Variants in TBC1D22A observed in about 807,000 individuals in gnomAD.
TBC1D22A encodes the protein TBC1 domain family member 22A, also known as putative GTPase activator.
TBC1D22A carries 38 observed loss-of-function variants against 60.2 expected under a neutral mutation model. The observed-to-expected ratio is 0.63, with a 90% CI of 0.49 to 0.83. TBC1D22A has a LOEUF of 0.83. Among genes scored for constraint, TBC1D22A ranks in the 40% least tolerant of loss-of-function variants. The pLI is 0.00. For synonymous variants in TBC1D22A, 302 were observed against 281.7 expected (o/e 1.07, Z -0.72); for missense variants, 628 against 701.0 (o/e 0.90, Z 1.18).
At chr22:47,132,222 G>A (rs1477557076) in intron 12 of TBC1D22A, among the ~76,000 whole-genome samples, 1 of 152,138 alleles carries the variant, frequency 6.6e-6, no homozygotes, top group Non-Finnish European at 1.5e-5. Flanking sequence ...GATTCCCCCC[G>A]AGTCTTGGTC....
chr22:47,041,084 T>C (rs2062828588), intron 11 of TBC1D22A, among the ~76,000 whole-genome samples: 1 of 152,204 alleles, frequency 6.6e-6, no homozygotes, highest in Admixed American at 6.5e-5. Flanking sequence ...CCTAGTGACT[T>C]GATGCTTTTT....
chr22:47,047,755 T>C (rs2063077113), intron 11 of TBC1D22A, among the ~76,000 whole-genome samples: 1 of 152,224 alleles, frequency 6.6e-6, no homozygotes, highest in Non-Finnish European at 1.5e-5. Context: ...GGTTCAGAGC[T>C]GGGGTCTTTC....
chr22:46,828,916 TGAAAC>T (rs1193681763), intron 4 of TBC1D22A, among the ~76,000 whole-genome samples: 1 of 152,176 alleles, frequency 6.6e-6, no homozygotes, highest in Non-Finnish European at 1.5e-5. Flanking sequence ...ATTTCATACT[TGAAAC>T]GACCTACATG....
At chr22:46,862,354 G>A (rs2087940073) in intron 4 of TBC1D22A, among the ~76,000 whole-genome samples, 1 of 152,154 alleles carries the variant, frequency 6.6e-6, no homozygotes, top group Non-Finnish European at 1.5e-5. Flanking sequence ...GGCAGGAGAG[G>A]CTTGAATGGT....
intron 12 of TBC1D22A, among the ~76,000 whole-genome samples, chr22:47,115,036 C>T (rs1309691137): frequency 4.1e-4 from 3 of 7,340 alleles, no homozygotes; most frequent in Admixed American, 2.0e-3. Context: ...AGTGGTGGGG[C>T]GGGGCGGGGC....
rs1167786571 is a variant in TBC1D22A, at chr22:47,026,180, C to T, written c.1202-10891C>T. Among the ~76,000 whole-genome samples, 9 of 152,148 alleles carry T rather than the reference C, an allele frequency of 5.9e-5. No homozygotes were observed. In the East Asian group the frequency reaches 1.7e-3, roughly 29 times the overall value. On this transcript the variant is annotated intron_variant, in intron 10 of 12. Coordinates refer to ENST00000337137, the MANE Select transcript of TBC1D22A (RefSeq NM_014346.5). ...AAATCATTTGACACAATCCAATATC[C>T]ACTCTCAATGGAAACTCTCAGTAAA...
At chr22:46,825,769 C>A (rs191203982) in intron 4 of TBC1D22A, among the ~76,000 whole-genome samples, 34 of 152,282 alleles carry the variant, frequency 2.2e-4, no homozygotes, top group Non-Finnish European at 4.0e-4. Context: ...ACCACCACAC[C>A]CAGCCTAAAC....
At chr22:46,999,807 CGAG>C (rs1177470381) in intron 10 of TBC1D22A, among the ~76,000 whole-genome samples, 1 of 152,148 alleles carries the variant, frequency 6.6e-6, no homozygotes, top group African/African-American at 2.4e-5. Flanking sequence ...AGGCGGATCA[CGAG>C]GTCAGGAGAT....
Position 47,004,095 on chromosome 22 carries a change from A to G in TBC1D22A, c.1201+6386A>G, listed in dbSNP as rs527797643. On this transcript the variant is annotated intron_variant, in intron 10 of 12. Coordinates refer to ENST00000337137, the MANE Select transcript of TBC1D22A (RefSeq NM_014346.5). ...CATGCCTGTATACACACACACCCTCATATACACACACCCCTTCACAGATGC... is the reference window on the plus strand; with the variant it reads ...CATGCCTGTATACACACACACCCTCGTATACACACACCCCTTCACAGATGC... 8.1e-5 allele frequency among the ~76,000 whole-genome samples: 12 copies of G among 148,910 alleles called. No homozygotes were observed. The East Asian group carries it at 2.4e-3, about 30-fold the overall frequency.
At chr22:46,973,431 C>A (rs2074158761) in intron 8 of TBC1D22A, among the ~76,000 whole-genome samples, 1 of 152,254 alleles carries the variant, frequency 6.6e-6, no homozygotes, top group Admixed American at 6.5e-5. Flanking sequence ...CGGTCAACAC[C>A]AGCGGCAGCA....
intron 11 of TBC1D22A, among the ~76,000 whole-genome samples, chr22:47,062,891 G>A (rs551777529): frequency 2.7e-5 from 4 of 150,190 alleles, no homozygotes; most frequent in East Asian, 2.0e-4. Flanking sequence ...TCATAGGACC[G>A]CACTCCACAG....
chr22:47,125,990 G>GT (rs11448395), intron 12 of TBC1D22A, among the ~76,000 whole-genome samples: 4,129 of 151,096 alleles, frequency 0.027, 184 homozygotes, highest in African/African-American at 0.095. Context: ...TTTGTTTTTT[G>GT]TTTTTTTTTG....
At chr22:47,104,900 C>A (rs2065571731) in intron 11 of TBC1D22A, among the ~76,000 whole-genome samples, 1 of 151,794 alleles carries the variant, frequency 6.6e-6, no homozygotes, top group African/African-American at 2.4e-5. Flanking sequence ...CTGGGAACAA[C>A]CCCCCGACCG....
intron 11 of TBC1D22A, among the ~76,000 whole-genome samples, chr22:47,061,470 TG>T (rs1039867213): frequency 4.6e-5 from 7 of 152,132 alleles, no homozygotes; most frequent in African/African-American, 1.7e-4. Flanking sequence ...CACCAGCACT[TG>T]GCAGAGCCCT....
rs527620430 is a variant in TBC1D22A at position 47,133,658 on chromosome 22, G to A, written c.1425+22055G>A. ...AGGTCCCTTCTGCCTGGGACTTACC[G>A]GCGGCTCCTGGAACCCTTGCCTGGA... On this transcript the variant is annotated intron_variant, in intron 12 of 12. Coordinates refer to ENST00000337137, the MANE Select transcript of TBC1D22A (RefSeq NM_014346.5). 7.2e-5 allele frequency among the ~76,000 whole-genome samples: 11 copies of A among 152,246 alleles called. No homozygotes were observed. The East Asian group carries it at 1.4e-3, about 19-fold the overall frequency.
At chr22:47,003,577 GTATACACACACCCTACGCACACATGCCTC>G (rs2061470041) in intron 10 of TBC1D22A, among the ~76,000 whole-genome samples, 3 of 136,384 alleles carry the variant, frequency 2.2e-5, no homozygotes, top group African/African-American at 5.8e-5. Flanking sequence ...ACACATGCCT[GTATACACACACCCTACGCACACATGCCTC>G]TATACACACA....
At chr22:47,048,408 C>A (rs754902663) in intron 11 of TBC1D22A, among the ~76,000 whole-genome samples, 8 of 152,160 alleles carry the variant, frequency 5.3e-5, no homozygotes, top group Non-Finnish European at 1.0e-4. Context: ...CCCAGCACAT[C>A]CAGTTACTAC....
chr22:46,819,126 T>G (rs1343671162), intron 4 of TBC1D22A, among the ~76,000 whole-genome samples: 1 of 152,152 alleles, frequency 6.6e-6, no homozygotes, highest in African/African-American at 2.4e-5. Context: ...GTTTCAGAAG[T>G]TTTTGGGCTG....
chr22:46,781,983 T>G (rs1257592174), intron 1 of TBC1D22A, among the ~76,000 whole-genome samples: 2 of 152,250 alleles, frequency 1.3e-5, no homozygotes, highest in African/African-American at 4.8e-5. Context: ...TGAAGCATGC[T>G]GAAGTGTGTT....
Sources: gnomAD v4.1 joint callset for allele counts (sites outside exome capture counted in the v4.1 genomes callset) on GRCh38, gnomAD v4.1.1 for gene constraint, MANE v1.5 for transcripts, NCBI Gene and HGNC (gene_info 2026-07-23, HGNC 2026-07-21) for gene names.